The following UPF1 variants were observed in gnomAD, a reference collection of about 807,000 sequenced individuals.
UPF1 encodes UPF1 RNA helicase and ATPase.
In UPF1, 9 loss-of-function variants were observed where a neutral mutation model predicts 129.2. The observed-to-expected ratio is 0.07, with a 90% CI of 0.04 to 0.12. The LOEUF (loss-of-function observed/expected upper bound fraction) is 0.12. Ranked by LOEUF, UPF1 falls within the 10% of genes least tolerant of loss-of-function variation. UPF1 has a pLI of 1.00. For synonymous variants in UPF1, 649 were observed against 644.9 expected (o/e 1.01, Z -0.10); for missense variants, 788 against 1,525.3 (o/e 0.52, Z 8.05).
chr19:18,861,915 G>A, intron 17 of UPF1, 95 bp from the exon 18 acceptor site: 2 of 1,502,696 alleles, frequency 1.3e-6, no homozygotes, highest in South Asian at 1.3e-5. Context: ...GCTCCCGGGT[G>A]GGATTTGAGG....
intron 18 of UPF1, 133 bp downstream of exon 18, chr19:18,862,285 TC>T: frequency 7.3e-7 from 1 of 1,379,242 alleles, no homozygotes; most frequent in South Asian, 1.4e-5. Context: ...AAACGATGTC[TC>T]ACTGGAGAGA....
Position 18,851,541 on chromosome 19 carries a change from T to C in UPF1, c.811-594T>C, listed in dbSNP as rs1040418514. On this transcript the variant is annotated intron_variant, in intron 5 of 23. Coordinates refer to ENST00000262803, the MANE Select transcript of UPF1 (RefSeq NM_002911.4). The surrounding 1 kb of genome is among the most constrained non-coding windows in gnomAD (Gnocchi z 4.2). ...CCACTTGGATTTTCCGGTTGCCAGA[T>C]GATTTCATGATTCCCGTTTATATCT... is the stretch of plus-strand genomic sequence containing the variant. Among the ~76,000 whole-genome samples the C allele has an allele frequency of 1.3e-5, 2 of 152,102 alleles. No individual in the cohort carries two copies. Among genetic ancestry groups the C allele is most frequent in the Non-Finnish European group, 2.9e-5 (2 of 68,036 alleles).
chr19:18,866,434 G>A, intron 23 of UPF1, 87 bp from the exon 24 acceptor site: 1 of 448,216 alleles, frequency 2.2e-6, no homozygotes, highest in Non-Finnish European at 3.9e-6. Flanking sequence ...GGCAGCTCGG[G>A]CTCTCCCTCA....
rs1287613871 is a variant in UPF1 at position 18,850,919 on chromosome 19, G to A, written c.810+51G>A. 4 of 1,474,478 alleles carry A rather than the reference G, an allele frequency of 2.7e-6. No homozygotes were observed. The highest frequency in any genetic ancestry group is 2.4e-5 in the East Asian group (1 of 40,964). 91.3% of individuals were successfully genotyped at this position (1,474,478 alleles called of 1,614,324 possible). ...GTGCCTTCGTGTGGTTTCTGGTTGC[G>A]GGGAGGGGAGTGTCTTCAGAGACGG... is the stretch of plus-strand genomic sequence containing the variant. On this transcript the variant is annotated intron_variant, in intron 5 of 23. Coordinates refer to ENST00000262803, the MANE Select transcript of UPF1 (RefSeq NM_002911.4). The surrounding 1 kb of genome is among the most constrained non-coding windows in gnomAD (Gnocchi z 7.1).
At chr19:18,852,929 G>A in intron 6 of UPF1, 58 bp from the exon 7 acceptor site, 1 of 1,458,858 alleles carries the variant, frequency 6.9e-7, no homozygotes, top group Non-Finnish European at 9.5e-7. Context: ...GGCATGTGGA[G>A]GCCAGGCCCG....
intron 3 of UPF1, 118 bp downstream of exon 3, chr19:18,847,951 TTCC>T: frequency 9.5e-7 from 1 of 1,054,622 alleles, no homozygotes; most frequent in Non-Finnish European, 1.4e-6. Flanking sequence ...CCTGGGTTTT[TTCC>T]TCCTCTGTGA....
At chr19:18,855,847 C>CA (rs1393824750) in intron 11 of UPF1, 78 bp from the exon 12 acceptor site, 4 of 1,545,146 alleles carry the variant, frequency 2.6e-6, no homozygotes, top group Non-Finnish European at 3.5e-6. Flanking sequence ...GACCCTGTCT[C>CA]AAAAAACAGA....
Position 18,853,451 on chromosome 19 carries a change from A to G in UPF1, c.1156+101A>G. 1 of 1,184,984 alleles carries G rather than the reference A, an allele frequency of 8.4e-7. No homozygotes were observed. Among genetic ancestry groups the G allele is most frequent in the Non-Finnish European group, 1.2e-6 (1 of 853,928 alleles). 73.4% of individuals were successfully genotyped at this position (1,184,984 alleles called of 1,614,324 possible). A position where few individuals can be genotyped will look rare whatever the true frequency, so the allele number is the denominator to read the frequency against. On this transcript the variant is annotated intron_variant, in intron 8 of 23. Transcript: ENST00000262803. The surrounding 1 kb of genome is among the most constrained non-coding windows in gnomAD (Gnocchi z 4.4). ...ATTTGATGCTCACTGCTGGGCCAGC[A>G]TCTCATGCTCTGTGGTGGGTGCTGG...
chr19:18,839,916 G>A (rs920225390), intron 1 of UPF1, among the ~76,000 whole-genome samples: 3 of 152,182 alleles, frequency 2.0e-5, no homozygotes, highest in Non-Finnish European at 2.9e-5. Flanking sequence ...TGGGAATGGC[G>A]CCTCTGGAGT....
rs979211868 is a variant in UPF1, at chr19:18,851,155, G to T, written c.810+287G>T. 6.5e-6 allele frequency: 2 copies of T among 308,798 alleles called. No homozygotes were observed. Among genetic ancestry groups the T allele is most frequent in the South Asian group, 5.1e-5 (1 of 19,560 alleles). The allele number at this position is 308,798 out of a possible 1,614,324, so 19.1% of individuals were successfully genotyped here. On this transcript the variant is annotated intron_variant, in intron 5 of 23. Coordinates refer to ENST00000262803, the MANE Select transcript of UPF1 (RefSeq NM_002911.4). This position sits in a 1 kb window ranked among gnomAD's most constrained non-coding sequence, Gnocchi z 4.2. Reference sequence around the variant, plus strand: ...GTGAGGATGGGTGGTGGGAGGGGAAGAATGGGGCTGGCTGTGGGCAGACTT... The same window carrying T: ...GTGAGGATGGGTGGTGGGAGGGGAATAATGGGGCTGGCTGTGGGCAGACTT...
chr19:18,846,683 T>A (rs2055603946), intron 2 of UPF1, among the ~76,000 whole-genome samples: 1 of 152,068 alleles, frequency 6.6e-6, no homozygotes, highest in Admixed American at 6.6e-5. Flanking sequence ...TGAGGAAATG[T>A]AGATTAGAAG....
chr19:18,862,432 G>A (rs1401461924), intron 18 of UPF1, among the ~76,000 whole-genome samples: 1 of 152,150 alleles, frequency 6.6e-6, no homozygotes, highest in Non-Finnish European at 1.5e-5. Context: ...CTGAGAGGCT[G>A]TAAGTTTTGG....
chr19:18,857,115 A>C, intron 14 of UPF1, 95 bp downstream of exon 14: 2 of 1,542,136 alleles, frequency 1.3e-6, no homozygotes, highest in Non-Finnish European at 1.7e-6. Context: ...TAGGATGCCC[A>C]GCAGAGTGTG....
chr19:18,858,436 A>C (rs1171462544), intron 15 of UPF1, among the ~76,000 whole-genome samples: 3 of 151,836 alleles, frequency 2.0e-5, no homozygotes, highest in African/African-American at 7.3e-5. Flanking sequence ...TGGAAGACCT[A>C]CTTGACTCGG....
At chr19:18,833,498 G>T (rs2055450822) in intron 1 of UPF1, among the ~76,000 whole-genome samples, 1 of 151,972 alleles carries the variant, frequency 6.6e-6, no homozygotes. Flanking sequence ...TGGGGGCTTG[G>T]GTTGGGAGAA....
intron 11 of UPF1, chr19:18,855,659 G>C (rs2055709049): frequency 5.6e-6 from 3 of 531,388 alleles, no homozygotes; most frequent in Non-Finnish European, 1.0e-5. Flanking sequence ...AGGCCAGCCT[G>C]AACAGGGTGA....
chr19:18,866,133 TGGC>T lies in UPF1; in HGVS notation c.3330_3332del (p.Gly1111del). ...ACCAGGGAGAGCGGGCTTACCAGCA[TGGC>T]GGGGTGACGGGGCTGTCCCAGTATT... On this transcript the variant is annotated inframe_deletion, in exon 23 of 24. Transcript: ENST00000262803. 1 of 1,611,346 alleles carries T rather than the reference TGGC, an allele frequency of 6.2e-7. No individual in the cohort carries two copies.
chr19:18,855,622 C>T (rs2055708750), intron 11 of UPF1: 2 of 500,992 alleles, frequency 4.0e-6, no homozygotes, highest in South Asian at 2.4e-5. Context: ...CGTGTCATTA[C>T]TGCCTGTTAA....
At chr19:18,834,686 T>G (rs574146744) in intron 1 of UPF1, among the ~76,000 whole-genome samples, 19 of 152,234 alleles carry the variant, frequency 1.2e-4, no homozygotes, top group African/African-American at 4.6e-4. Flanking sequence ...AGAACGGAAT[T>G]TGGGGGCAAG....
Sources: allele counts gnomAD v4.1 joint callset (sites outside exome capture counted in the v4.1 genomes callset), GRCh38; gene constraint gnomAD v4.1.1; non-coding constraint Gnocchi (gnomAD v3.1); transcripts MANE v1.5; gene names NCBI Gene and HGNC (gene_info 2026-07-23, HGNC 2026-07-21).